The following MEGF11 variants were observed in gnomAD, a reference collection of about 807,000 sequenced individuals.
MEGF11 encodes the protein multiple EGF like domains 11, also known as multiple epidermal growth factor-like domains protein 11.
Under a neutral mutation model 146.6 loss-of-function variants are expected in MEGF11, and 126 were observed. The observed-to-expected ratio is 0.86, with a 90% CI of 0.74 to 1.00. The LOEUF is 1.00. Ranked by LOEUF, MEGF11 falls within the 50% of genes least tolerant of loss-of-function variation. The pLI, the probability that MEGF11 is intolerant of heterozygous loss-of-function variation, is 0.00. For missense variants in MEGF11, 1,509 were observed against 1,521.2 expected, an observed-to-expected ratio of 0.99 and a Z score of 0.13; for synonymous variants, 532 against 583.4, an observed-to-expected ratio of 0.91 and a Z score of 1.27.
At chr15:66,244,966 T>C (rs1046351815) in intron 1 of MEGF11, among the ~76,000 whole-genome samples, 1 of 152,144 alleles carries the variant, frequency 6.6e-6, no homozygotes, top group Non-Finnish European at 1.5e-5. Context: ...ACCAATAAAA[T>C]GTTATCAATG....
chr15:65,929,781 A>C lies in MEGF11; in HGVS notation c.1511T>G (p.Ile504Arg), dbSNP rs750911542. 3.2e-6 allele frequency: 5 copies of C among 1,560,152 alleles called. No homozygotes were observed. Among genetic ancestry groups the C allele is most frequent in the Non-Finnish European group, 4.3e-6 (5 of 1,152,074 alleles). Reference protein sequence around the residue: ...TCANGAACSPIDGSCSCTPGW... With the variant: ...TCANGAACSPRDGSCSCTPGW... ...AGGAGTGCAGGAGCAGGAGCCGTCT[A>C]TGGGGCTGCAGGCTGCCCCATTGGC... is the stretch of plus-strand genomic sequence containing the variant. Residue 504 changes from isoleucine to arginine, a missense_variant, in exon 12 of 26, where the codon ATA (isoleucine) becomes AGA (arginine). By Grantham distance (97) the Ile-to-Arg change is moderately conservative. Coordinates refer to ENST00000395614, the MANE Select transcript of MEGF11 (RefSeq NM_001385028.1).
intron 5 of MEGF11, among the ~76,000 whole-genome samples, chr15:65,983,066 C>T (rs72742854): frequency 0.11 from 16,808 of 152,170 alleles, 1,155 homozygotes; most frequent in Middle Eastern, 0.19. Flanking sequence ...TTTCCTCTAA[C>T]TCCCTGCCCC....
At chr15:66,126,727 G>A (rs2088367220) in intron 2 of MEGF11, among the ~76,000 whole-genome samples, 1 of 152,182 alleles carries the variant, frequency 6.6e-6, no homozygotes, top group Non-Finnish European at 1.5e-5. Context: ...GGGATGAAAG[G>A]GGTCCTCTGA....
Position 65,928,739 on chromosome 15 carries a change from G to A in MEGF11, c.1573-212C>T, listed in dbSNP as rs535289701. ...ACGTTTTGTAAGTGGGGATAACACA[G>A]CCATGAAGACACTCTGAAGAATTAT... On this transcript the variant is annotated intron_variant, in intron 12 of 25. Transcript: ENST00000395614. 6.6e-5 allele frequency among the ~76,000 whole-genome samples: 10 copies of A among 152,178 alleles called. No homozygotes were observed. In the South Asian group the frequency reaches 2.1e-3, roughly 32 times the overall value.
At chr15:66,185,563 C>T (rs2090672495) in intron 1 of MEGF11, among the ~76,000 whole-genome samples, 1 of 152,280 alleles carries the variant, frequency 6.6e-6, no homozygotes, top group East Asian at 1.9e-4. Flanking sequence ...GTAGGGCACA[C>T]GCACTGGCCT....
intron 1 of MEGF11, among the ~76,000 whole-genome samples, chr15:66,215,170 T>G (rs1476031936): frequency 1.3e-5 from 2 of 152,198 alleles, no homozygotes; most frequent in African/African-American, 4.8e-5. Flanking sequence ...GCGTTTTCAC[T>G]TTTTATCTGC....
At chr15:66,034,183 G>A (rs1431159964) in intron 5 of MEGF11, among the ~76,000 whole-genome samples, 1 of 152,186 alleles carries the variant, frequency 6.6e-6, no homozygotes, top group Non-Finnish European at 1.5e-5. Context: ...CATTTTGGAA[G>A]TAGATAACTT....
chr15:65,927,966 G>T (rs2079432467), intron 13 of MEGF11, among the ~76,000 whole-genome samples: 1 of 152,250 alleles, frequency 6.6e-6, no homozygotes, highest in African/African-American at 2.4e-5. Flanking sequence ...AGCTGGGCAA[G>T]AGCGGAGGCC....
chr15:65,913,693 T>A, intron 20 of MEGF11, 44 bp downstream of exon 20: 1 of 1,505,288 alleles, frequency 6.6e-7, no homozygotes, highest in South Asian at 1.2e-5. Context: ...GGGGTATGTG[T>A]GTGTGGAGGG....
chr15:65,943,382 A>G (rs1270067286), intron 10 of MEGF11, among the ~76,000 whole-genome samples: 1 of 152,142 alleles, frequency 6.6e-6, no homozygotes, highest in Non-Finnish European at 1.5e-5. Flanking sequence ...AGGAGTATGT[A>G]TGTGGACCAT....
intron 1 of MEGF11, among the ~76,000 whole-genome samples, chr15:66,167,619 T>A (rs1431132323): frequency 6.6e-6 from 1 of 151,650 alleles, no homozygotes; most frequent in African/African-American, 2.4e-5. Context: ...CACTCCAGCC[T>A]GGGCAATGAG....
At chr15:66,231,191 C>A (rs946375999) in intron 1 of MEGF11, among the ~76,000 whole-genome samples, 1 of 151,624 alleles carries the variant, frequency 6.6e-6, no homozygotes, top group African/African-American at 2.4e-5. Flanking sequence ...CTGCAACAGA[C>A]CTGCAGGTAA....
chr15:66,082,404 A>C (rs1327582471), intron 5 of MEGF11, among the ~76,000 whole-genome samples: 1 of 117,526 alleles, frequency 8.5e-6, no homozygotes, highest in African/African-American at 3.3e-5. Flanking sequence ...CCTGGCCAAC[A>C]TGGTAAAACC....
intron 5 of MEGF11, among the ~76,000 whole-genome samples, chr15:66,084,066 G>C (rs1222490172): frequency 6.6e-6 from 1 of 152,168 alleles, no homozygotes; most frequent in Non-Finnish European, 1.5e-5. Context: ...AGGTGACTTT[G>C]TTGTTGTGCA....
chr15:66,047,253 T>G (rs1567216977), intron 5 of MEGF11, among the ~76,000 whole-genome samples: 1 of 152,234 alleles, frequency 6.6e-6, no homozygotes, highest in African/African-American at 2.4e-5. Flanking sequence ...AAGAGCTTTT[T>G]TTGTTGTTGT....
intron 8 of MEGF11, among the ~76,000 whole-genome samples, chr15:65,965,613 C>CTTTTTTTTTTTTTTT (rs1186551497): frequency 3.7e-5 from 2 of 53,522 alleles, no homozygotes; most frequent in Non-Finnish European, 6.4e-5. Context: ...TTTTTTTTTT[C>CTTTTTTTTTTTTTTT]TTTTTTTTTT....
chr15:66,128,231 C>G, intron 2 of MEGF11, 75 bp downstream of exon 2: 2 of 963,944 alleles, frequency 2.1e-6, no homozygotes, highest in Non-Finnish European at 2.9e-6. Flanking sequence ...GATCTCCTGA[C>G]TGCCTCTGTC....
At chr15:66,163,376 C>T (rs1048747470) in intron 1 of MEGF11, among the ~76,000 whole-genome samples, 27 of 152,078 alleles carry the variant, frequency 1.8e-4, no homozygotes, top group African/African-American at 5.8e-4. Context: ...CTAGGAAGGC[C>T]GATTTCAGCT....
chr15:65,976,695 A>C (rs1054066285), intron 7 of MEGF11, among the ~76,000 whole-genome samples: 1 of 152,220 alleles, frequency 6.6e-6, no homozygotes, highest in South Asian at 2.1e-4. Context: ...AGATTCATGT[A>C]CTTGCCCTGT....
Sources: gnomAD v4.1 joint callset for allele counts (sites outside exome capture counted in the v4.1 genomes callset) on GRCh38, gnomAD v4.1.1 for gene constraint, MANE v1.5 for transcripts, NCBI Gene and HGNC (gene_info 2026-07-23, HGNC 2026-07-21) for gene names.